The following WASF3 variants were observed in gnomAD, a reference collection of about 807,000 sequenced individuals.
WASF3 encodes the protein actin-binding protein WASF3.
A neutral mutation model predicts 46.6 loss-of-function variants in WASF3; 11 were observed. The ratio of observed to expected loss-of-function variants is 0.24; its 90% CI spans 0.15 to 0.39. The LOEUF (loss-of-function observed/expected upper bound fraction) is 0.39. Among genes scored for constraint, WASF3 ranks in the 10% least tolerant of loss-of-function variants. The pLI, the probability that WASF3 is intolerant of heterozygous loss-of-function variation, is 1.00. For missense variants in WASF3, 576 were observed against 669.8 expected, an observed-to-expected ratio of 0.86 and a Z score of 1.55; for synonymous variants, 242 against 259.7, an observed-to-expected ratio of 0.93 and a Z score of 0.65.
At chr13:26,571,757 T>C (rs573931705) in intron 1 of WASF3, among the ~76,000 whole-genome samples, 6 of 152,348 alleles carry the variant, frequency 3.9e-5, no homozygotes, top group African/African-American at 1.4e-4. Context: ...TTGAGCTCCA[T>C]TAAAAAGCTG....
intron 1 of WASF3, among the ~76,000 whole-genome samples, chr13:26,602,742 T>G (rs1880678268): frequency 2.0e-5 from 3 of 148,926 alleles, no homozygotes; most frequent in Admixed American, 2.0e-4. Flanking sequence ...TGAAATATAG[T>G]TTGATTTTGG....
chr13:26,613,328 A>T (rs559218540), intron 2 of WASF3, among the ~76,000 whole-genome samples: 1 of 152,036 alleles, frequency 6.6e-6, no homozygotes, highest in Non-Finnish European at 1.5e-5. Context: ...ATGATTATGT[A>T]GTTTATGACT....
chr13:26,680,194 C>G, intron 7 of WASF3: 1 of 1,567,204 alleles, frequency 6.4e-7, no homozygotes, highest in Non-Finnish European at 8.6e-7. Flanking sequence ...GGACAGAGTG[C>G]CCAGCGGGTT....
At chr13:26,609,047 G>T (rs1380684172) in intron 1 of WASF3, among the ~76,000 whole-genome samples, 1 of 152,170 alleles carries the variant, frequency 6.6e-6, no homozygotes, top group African/African-American at 2.4e-5. Context: ...CTAGAATTTG[G>T]AGGCTTACAA....
chr13:26,645,121 T>C (rs1209492113), intron 3 of WASF3, among the ~76,000 whole-genome samples: 1 of 152,230 alleles, frequency 6.6e-6, no homozygotes, highest in Non-Finnish European at 1.5e-5. Flanking sequence ...CAATTCCGCG[T>C]TGAAATCCTA....
At chr13:26,546,711 C>A in the WASF3 span, among the ~76,000 whole-genome samples, 1 of 152,142 alleles carries the variant, frequency 6.6e-6, no homozygotes, top group Non-Finnish European at 1.5e-5. Flanking sequence ...GACTCCATCT[C>A]AAAATAAAAT....
chr13:26,543,371 A>C, the WASF3 span, among the ~76,000 whole-genome samples: 54 of 152,356 alleles, frequency 3.5e-4, no homozygotes, highest in African/African-American at 1.2e-3. Context: ...CTTGGGAATG[A>C]AAATCTATTA....
chr13:26,609,288 A>C (rs553905825), intron 1 of WASF3: 58 of 152,256 alleles, frequency 3.8e-4, no homozygotes, highest in African/African-American at 1.3e-3. Flanking sequence ...ATAGTACAGA[A>C]TGAGGTATCA....
intron 1 of WASF3, among the ~76,000 whole-genome samples, chr13:26,575,560 A>G (rs1349426632): frequency 6.6e-6 from 1 of 152,240 alleles, no homozygotes; most frequent in Non-Finnish European, 1.5e-5. Flanking sequence ...CCTGTGGTCC[A>G]GATGATGAAC....
chr13:26,572,248 A>G (rs1366525061), intron 1 of WASF3, among the ~76,000 whole-genome samples: 3 of 152,180 alleles, frequency 2.0e-5, no homozygotes, highest in Non-Finnish European at 4.4e-5. Flanking sequence ...GGTAGTGGGC[A>G]TTCGTATCTG....
chr13:26,567,552 C>T (rs985783774), intron 1 of WASF3, among the ~76,000 whole-genome samples: 1 of 152,136 alleles, frequency 6.6e-6, no homozygotes, highest in African/African-American at 2.4e-5. Context: ...TAAGTGGTGG[C>T]AACAGAGGCT....
At chr13:26,605,074 C>T (rs1027720046) in intron 1 of WASF3, among the ~76,000 whole-genome samples, 7 of 152,152 alleles carry the variant, frequency 4.6e-5, no homozygotes, top group Admixed American at 2.6e-4. Flanking sequence ...CCCTCAGGAC[C>T]TCTGCCCCTC....
In WASF3 at chr13:26,648,267, T is replaced by TTTAA. The variant is rs1387371064; in HGVS notation, c.133+5867_133+5870dup. Among the ~76,000 whole-genome samples the TTTAA allele has an allele frequency of 3.9e-5, 6 of 152,324 alleles. No homozygotes were observed. The East Asian group carries it at 1.2e-3, about 29-fold the overall frequency. ...TCTTTGCAAATCATTATAAAATCTA[T>TTTAA]TTAATTTTCATGTGTGGAGTAATTG... On this transcript the variant is annotated intron_variant, in intron 3 of 9. Coordinates refer to ENST00000335327, the MANE Select transcript of WASF3 (RefSeq NM_006646.6).
intron 1 of WASF3, among the ~76,000 whole-genome samples, chr13:26,594,368 T>G (rs1880395660): frequency 6.6e-6 from 1 of 152,208 alleles, no homozygotes; most frequent in Non-Finnish European, 1.5e-5. Context: ...AACCTGCTCT[T>G]TGCTGTTCTG....
chr13:26,658,901 C>G (rs1414348918), intron 3 of WASF3, among the ~76,000 whole-genome samples: 1 of 152,148 alleles, frequency 6.6e-6, no homozygotes, highest in African/African-American at 2.4e-5. Flanking sequence ...TTCACTTATT[C>G]CGAAATCTTT....
intron 1 of WASF3, among the ~76,000 whole-genome samples, chr13:26,606,198 C>T (rs1880790443): frequency 6.6e-6 from 1 of 152,196 alleles, no homozygotes; most frequent in African/African-American, 2.4e-5. Context: ...TTTAAATAAA[C>T]TGCTCAGAGT....
At chr13:26,587,238 A>C (rs2137177766) in intron 1 of WASF3, among the ~76,000 whole-genome samples, 1 of 150,952 alleles carries the variant, frequency 6.6e-6, no homozygotes, top group African/African-American at 2.4e-5. Flanking sequence ...ACTTGGAAAA[A>C]TTGGAAACAA....
intron 3 of WASF3, among the ~76,000 whole-genome samples, 156 bp from the exon 4 acceptor site, chr13:26,664,872 C>A (rs1424731408): frequency 6.6e-6 from 1 of 152,204 alleles, no homozygotes; most frequent in African/African-American, 2.4e-5. Flanking sequence ...TAATAAACTT[C>A]AAAAGTTCTA....
At chr13:26,642,144 T>C (rs1381765771) in intron 2 of WASF3, 117 bp from the exon 3 acceptor site, 1 of 1,173,688 alleles carries the variant, frequency 8.5e-7, no homozygotes, top group Non-Finnish European at 1.2e-6. Flanking sequence ...TTCTGTCACA[T>C]AGAAATTTTA....
Sources: gnomAD v4.1 joint callset for allele counts (sites outside exome capture counted in the v4.1 genomes callset) on GRCh38, gnomAD v4.1.1 for gene constraint, MANE v1.5 for transcripts, NCBI Gene and HGNC (gene_info 2026-07-23, HGNC 2026-07-21) for gene names.